Variants in LRRC49 observed in about 807,000 individuals in gnomAD.
The protein encoded by LRRC49 is leucine-rich repeat-containing protein 49.
A neutral mutation model predicts 83.3 loss-of-function variants in LRRC49; 50 were observed. The observed-to-expected ratio is 0.60, with a 90% CI of 0.48 to 0.76. The LOEUF is 0.76. Ranked by LOEUF, LRRC49 falls within the 30% of genes least tolerant of loss-of-function variation. The pLI is 0.00. For synonymous variants in LRRC49, 286 were observed against 283.3 expected (o/e 1.01, Z -0.10); for missense variants, 704 against 809.1 (o/e 0.87, Z 1.58).
At chr15:70,981,619 T>C (rs1213104822) in intron 10 of LRRC49, among the ~76,000 whole-genome samples, 2 of 152,116 alleles carry the variant, frequency 1.3e-5, no homozygotes, top group African/African-American at 4.8e-5. Flanking sequence ...CCTTGTAACC[T>C]TAGAAGTGAA....
At chr15:71,041,380 A>G (rs2039695384) in intron 15 of LRRC49, among the ~76,000 whole-genome samples, 2 of 152,218 alleles carry the variant, frequency 1.3e-5, no homozygotes, top group South Asian at 4.1e-4. Context: ...ATATTATTGA[A>G]TACCTGGAAA....
At chr15:70,908,558 TATCTC>T (rs2034414859) in intron 5 of LRRC49, 1 of 152,590 alleles carries the variant, frequency 6.6e-6, no homozygotes, top group Non-Finnish European at 1.5e-5. Context: ...ATCTGAAAAA[TATCTC>T]AAACACTAGT....
intron 9 of LRRC49, among the ~76,000 whole-genome samples, chr15:70,971,259 G>A (rs896425243): frequency 2.6e-5 from 4 of 152,194 alleles, no homozygotes. Context: ...TTCAGGAGCA[G>A]GTTGTTCAGT....
intron 10 of LRRC49, among the ~76,000 whole-genome samples, chr15:70,983,788 CTT>C (rs1315216771): frequency 6.6e-6 from 1 of 152,044 alleles, no homozygotes; most frequent in Non-Finnish European, 1.5e-5. Flanking sequence ...GAAATTAAAA[CTT>C]CAGATTTTGA....
intron 1 of LRRC49, among the ~76,000 whole-genome samples, chr15:70,866,246 A>T (rs1247110523): frequency 6.6e-6 from 1 of 151,944 alleles, no homozygotes; most frequent in East Asian, 1.9e-4. Context: ...CTCCGGGTTC[A>T]GGTGATTCTC....
Position 70,967,164 on chromosome 15 carries a change from C to G in LRRC49, c.921+3232C>G, listed in dbSNP as rs574313084. On this transcript the variant is annotated intron_variant, in intron 9 of 15. Transcript: ENST00000260382. ...GAGAATATAGCAGCTGACAGGAGTT[C>G]AACATGGCTAAGCATTGAGTGTACA... Among the ~76,000 whole-genome samples, 9 of 152,124 alleles carry G rather than the reference C, an allele frequency of 5.9e-5. No individual in the cohort carries two copies. In the South Asian group the frequency reaches 1.9e-3, roughly 32 times the overall value.
At chr15:70,985,145 A>G (rs1177153913) in intron 11 of LRRC49, among the ~76,000 whole-genome samples, 2 of 150,294 alleles carry the variant, frequency 1.3e-5, no homozygotes, top group Non-Finnish European at 3.0e-5. Context: ...GTGTATACCC[A>G]GTAATGGGAT....
At chr15:71,014,890 A>G (rs1396107993) in intron 14 of LRRC49, among the ~76,000 whole-genome samples, 2 of 152,242 alleles carry the variant, frequency 1.3e-5, no homozygotes, top group African/African-American at 2.4e-5. Flanking sequence ...TCAAATAAAT[A>G]TACTTAAAAT....
chr15:70,949,827 T>G (rs899468631), intron 8 of LRRC49, among the ~76,000 whole-genome samples: 6 of 152,166 alleles, frequency 3.9e-5, no homozygotes, highest in African/African-American at 1.4e-4. Flanking sequence ...TTTTAAAATT[T>G]TAAGTTCGGG....
At chr15:70,883,469 C>G (rs781233921) in intron 2 of LRRC49, among the ~76,000 whole-genome samples, 4 of 152,138 alleles carry the variant, frequency 2.6e-5, no homozygotes, top group African/African-American at 9.7e-5. Context: ...GTTGGGTTTA[C>G]AGGCGTGAGG....
At chr15:70,979,196 T>C (rs1364471757) in intron 9 of LRRC49, among the ~76,000 whole-genome samples, 1 of 152,124 alleles carries the variant, frequency 6.6e-6, no homozygotes, top group Non-Finnish European at 1.5e-5. Flanking sequence ...TTAAAAAAAT[T>C]GCTCATAGTG....
chr15:71,005,912 T>G (rs1019694748), intron 11 of LRRC49, among the ~76,000 whole-genome samples: 4 of 152,202 alleles, frequency 2.6e-5, no homozygotes, highest in Non-Finnish European at 5.9e-5. Flanking sequence ...AAGTCACTTT[T>G]TAATGGAGCT....
In LRRC49 at chr15:71,013,086, G is replaced by A. The variant is rs182040729; in HGVS notation, c.1703+173G>A. Reference sequence around the variant, plus strand: ...TAAATAAGATGAAGTCCTTATTCTCGTATGGCTTATAGTCTAATAAGTTAA... The same window carrying A: ...TAAATAAGATGAAGTCCTTATTCTCATATGGCTTATAGTCTAATAAGTTAA... On this transcript the variant is annotated intron_variant, in intron 14 of 15. Coordinates refer to ENST00000260382, the MANE Select transcript of LRRC49 (RefSeq NM_017691.5). Among the ~76,000 whole-genome samples the A allele has an allele frequency of 3.4e-4, 51 of 152,200 alleles. 1 individual carries two copies. Among genetic ancestry groups the A allele is most frequent in the African/African-American group, 1.1e-3 (46 of 41,530 alleles).
At chr15:70,973,534 T>C (rs1334112074) in intron 9 of LRRC49, among the ~76,000 whole-genome samples, 1 of 152,206 alleles carries the variant, frequency 6.6e-6, no homozygotes, top group Non-Finnish European at 1.5e-5. Context: ...CGCTGCTCTC[T>C]TCAGAGCTGG....
chr15:70,873,412 A>G (rs1042427922), intron 2 of LRRC49, among the ~76,000 whole-genome samples: 3 of 152,292 alleles, frequency 2.0e-5, no homozygotes, highest in Middle Eastern at 3.4e-3. Flanking sequence ...AGTCTTTACC[A>G]CTAGTGTATC....
At chr15:70,888,028 A>G (rs1302537317), upstream of LRRC49, among the ~76,000 whole-genome samples, 1 of 152,204 alleles carries the variant, frequency 6.6e-6, no homozygotes, top group South Asian at 2.1e-4. Context: ...AACACTTCTA[A>G]GAAAAATTTA....
chr15:70,872,274 A>C (rs947431358), intron 1 of LRRC49, among the ~76,000 whole-genome samples: 1 of 152,226 alleles, frequency 6.6e-6, no homozygotes, highest in Non-Finnish European at 1.5e-5. Context: ...ACGCGCCTGC[A>C]ATCCCAGGCA....
rs553448374 is a variant in LRRC49, at chr15:70,925,435, A to G, written c.711+6242A>G. Among the ~76,000 whole-genome samples the G allele has an allele frequency of 9.9e-4, 150 of 152,278 alleles. 1 individual carries two copies. Among genetic ancestry groups the G allele is most frequent in the Non-Finnish European group, 1.7e-3 (115 of 67,980 alleles). On this transcript the variant is annotated intron_variant, in intron 7 of 15. Coordinates refer to ENST00000260382, the MANE Select transcript of LRRC49 (RefSeq NM_017691.5). ...TACTTTAAAAGGAAGATAGCCATGT[A>G]TTACTGAAGCTGTATTACATTTGTT...
At chr15:71,028,724 A>T (rs1363549489) in intron 14 of LRRC49, among the ~76,000 whole-genome samples, 1 of 152,126 alleles carries the variant, frequency 6.6e-6, no homozygotes, top group Non-Finnish European at 1.5e-5. Context: ...TTTCTAGTTT[A>T]TTGGCATAGA....
Sources: allele counts gnomAD v4.1 joint callset (sites outside exome capture counted in the v4.1 genomes callset), GRCh38; gene constraint gnomAD v4.1.1; transcripts MANE v1.5; gene names NCBI Gene and HGNC (gene_info 2026-07-23, HGNC 2026-07-21).